AFF3: variants seen among roughly 807,000 people sequenced by gnomAD.
AFF3 encodes the protein ALF transcription elongation factor 3, also known as AF4/FMR2 family member 3.
Under a neutral mutation model 129.7 loss-of-function variants are expected in AFF3, and 32 were observed. That is an observed-to-expected ratio of 0.25 (90% CI 0.19 to 0.33). AFF3 has a LOEUF of 0.33. Among genes scored for constraint, AFF3 ranks in the 10% least tolerant of loss-of-function variants. The pLI is 1.00. For synonymous variants in AFF3, 644 were observed against 635.4 expected, an observed-to-expected ratio of 1.01 and a Z score of -0.20; for missense variants, 1,373 against 1,592.0, an observed-to-expected ratio of 0.86 and a Z score of 2.34.
intron 12 of AFF3, among the ~76,000 whole-genome samples, chr2:99,651,417 CTT>C (rs1339216344): frequency 6.6e-6 from 1 of 151,898 alleles, no homozygotes; most frequent in Non-Finnish European, 1.5e-5. Context: ...GTCCTTTCCT[CTT>C]TGCATGATAC....
chr2:99,669,105 G>A (rs972602880), intron 12 of AFF3, among the ~76,000 whole-genome samples: 1 of 152,132 alleles, frequency 6.6e-6, no homozygotes, highest in East Asian at 1.9e-4. Context: ...TTTGGAAAAT[G>A]GTTTGAGATA....
At chr2:99,811,420 G>GT (rs963886628) in intron 8 of AFF3, among the ~76,000 whole-genome samples, 5 of 150,920 alleles carry the variant, frequency 3.3e-5, no homozygotes, top group Non-Finnish European at 7.4e-5. Flanking sequence ...AGGTTTTTTG[G>GT]TTTTTTTTTC....
intron 7 of AFF3, among the ~76,000 whole-genome samples, chr2:99,902,156 T>G (rs1192100845): frequency 5.9e-5 from 9 of 151,920 alleles, no homozygotes. Context: ...TGCTTATGAC[T>G]GCTTAAACTG....
chr2:99,921,745 A>T (rs1197112667), intron 7 of AFF3, among the ~76,000 whole-genome samples: 1 of 152,128 alleles, frequency 6.6e-6, no homozygotes, highest in African/African-American at 2.4e-5. Flanking sequence ...TCTGTTCATC[A>T]AAGAGTACCA....
chr2:100,049,475 G>A (rs1686109080), intron 4 of AFF3, among the ~76,000 whole-genome samples: 3 of 152,070 alleles, frequency 2.0e-5, no homozygotes, highest in South Asian at 4.1e-4. Context: ...GCTAGATTTC[G>A]GACTTTAGAA....
chr2:100,118,032 C>T (rs1410400857), intron 2 of AFF3, among the ~76,000 whole-genome samples: 1 of 152,168 alleles, frequency 6.6e-6, no homozygotes, highest in African/African-American at 2.4e-5. Flanking sequence ...CTTCCACCAC[C>T]TCCAAAACCA....
chr2:99,798,323 A>G (rs144258246), intron 8 of AFF3, among the ~76,000 whole-genome samples: 179 of 152,136 alleles, frequency 1.2e-3, no homozygotes, highest in African/African-American at 4.2e-3. Context: ...AAGACAGGAC[A>G]AGAGGAAAGG....
chr2:100,016,782 G>A (rs958982674), intron 4 of AFF3, among the ~76,000 whole-genome samples: 10 of 151,382 alleles, frequency 6.6e-5, no homozygotes, highest in African/African-American at 2.4e-4. Flanking sequence ...GGTGGTGGTG[G>A]TAGTGGTGGT....
At chr2:99,923,277 T>C (rs1362291898) in intron 7 of AFF3, among the ~76,000 whole-genome samples, 5 of 152,206 alleles carry the variant, frequency 3.3e-5, no homozygotes, top group Admixed American at 1.3e-4. Context: ...AATGGCTCCT[T>C]AGAGAGCTAC....
chr2:99,655,854 T>C (rs923306672), intron 12 of AFF3, among the ~76,000 whole-genome samples: 12 of 152,146 alleles, frequency 7.9e-5, no homozygotes, highest in African/African-American at 2.7e-4. Context: ...ATTGCAGTGA[T>C]GTGGGCAAGA....
intron 11 of AFF3, among the ~76,000 whole-genome samples, chr2:99,722,066 C>T (rs1678939354): frequency 6.6e-6 from 1 of 152,154 alleles, no homozygotes; most frequent in South Asian, 2.1e-4. Flanking sequence ...TCAAATGTTA[C>T]ATTTTTCAGT....
intron 13 of AFF3, among the ~76,000 whole-genome samples, chr2:99,619,365 A>G (rs936967017): frequency 6.6e-6 from 1 of 152,256 alleles, no homozygotes; most frequent in African/African-American, 2.4e-5. Flanking sequence ...TTGTGGCCAT[A>G]TCAGCTCAAG....
chr2:99,681,017 T>C (rs1355780149), intron 11 of AFF3, among the ~76,000 whole-genome samples: 1 of 152,218 alleles, frequency 6.6e-6, no homozygotes, highest in Non-Finnish European at 1.5e-5. Context: ...TCCAACCCCA[T>C]ATTCTGACGG....
intron 7 of AFF3, among the ~76,000 whole-genome samples, chr2:99,986,946 T>C (rs1042687022): frequency 8.5e-5 from 13 of 152,144 alleles, no homozygotes; most frequent in Non-Finnish European, 4.4e-5. Flanking sequence ...AGGGTGGTGA[T>C]AAAACATGCA....
chr2:99,874,765 C>T (rs769366058), intron 7 of AFF3, among the ~76,000 whole-genome samples: 5 of 151,950 alleles, frequency 3.3e-5, no homozygotes, highest in Non-Finnish European at 7.4e-5. Flanking sequence ...AGTATTATAT[C>T]GAAGTTAAAT....
At chr2:100,044,803 T>A (rs1389904027) in intron 4 of AFF3, among the ~76,000 whole-genome samples, 3 of 151,974 alleles carry the variant, frequency 2.0e-5, no homozygotes, top group Non-Finnish European at 2.9e-5. Context: ...AACAGTACTG[T>A]CCGTTTAGAG....
Position 100,002,887 on chromosome 2 carries a change from G to T in AFF3, c.873+3745C>A, listed in dbSNP as rs77668309. ...TTGTCTCAATGGCTCTGCATGTTAGGTTTTTCACACCACTGTCCTATTTTG... is the reference window on the plus strand; with the variant it reads ...TTGTCTCAATGGCTCTGCATGTTAGTTTTTTCACACCACTGTCCTATTTTG... On this transcript the variant is annotated intron_variant, in intron 7 of 24. Coordinates refer to ENST00000672756, the MANE Select transcript of AFF3 (RefSeq NM_001386135.1). Among the ~76,000 whole-genome samples the T allele has an allele frequency of 9.9e-3, 1,501 of 152,286 alleles. 52 individuals are homozygous for T. Among genetic ancestry groups the T allele is most frequent in the South Asian group, 0.093 (450 of 4,814 alleles).
intron 7 of AFF3, among the ~76,000 whole-genome samples, chr2:99,966,999 A>C (rs1366562980): frequency 6.6e-6 from 1 of 152,192 alleles, no homozygotes; most frequent in Non-Finnish European, 1.5e-5. Context: ...AGTTCTGATT[A>C]AAATGTTTAT....
intron 14 of AFF3, 89 bp from the exon 15 acceptor site, chr2:99,594,378 C>A (rs1679080636): frequency 9.3e-6 from 14 of 1,506,938 alleles, no homozygotes; most frequent in Non-Finnish European, 1.1e-5. Flanking sequence ...TGACTTACTT[C>A]TCTAAGTATA....
Sources: gnomAD v4.1 joint callset for allele counts (sites outside exome capture counted in the v4.1 genomes callset) on GRCh38, gnomAD v4.1.1 for gene constraint, MANE v1.5 for transcripts, NCBI Gene and HGNC (gene_info 2026-07-23, HGNC 2026-07-21) for gene names.